SOCS5: variants seen among roughly 807,000 people sequenced by gnomAD.
SOCS5 encodes the protein suppressor of cytokine signaling 5, also known as CIS-6.
In SOCS5, 32 loss-of-function variants were observed where a neutral mutation model predicts 42.8. That is an observed-to-expected ratio of 0.75 (90% CI 0.56 to 1.01). The LOEUF is 1.01. SOCS5 is among the 50% of genes least tolerant of loss of function. The pLI is 0.00. For synonymous variants in SOCS5, 283 were observed against 229.6 expected, an observed-to-expected ratio of 1.23 and a Z score of -2.10; for missense variants, 627 against 653.0, an observed-to-expected ratio of 0.96 and a Z score of 0.43.
intron 1 of SOCS5, among the ~76,000 whole-genome samples, chr2:46,737,114 C>G (rs73926574): frequency 0.047 from 7,211 of 152,214 alleles, 616 homozygotes; most frequent in African/African-American, 0.16. Context: ...CCAATCTTAG[C>G]TTCTGAAATG....
rs756214120 is a variant in SOCS5, at chr2:46,759,736, G to A, written c.1206G>A (p.Thr402=). 1.6e-5 allele frequency: 26 copies of A among 1,614,126 alleles called. No individual in the cohort carries two copies. Among genetic ancestry groups the A allele is most frequent in the East Asian group, 2.2e-5 (1 of 44,876 alleles). ...TTCTCGAAGGGAAACCTGAAGGCACGTTTTTGCTCAGGGACTCTGCGCAAG... is the reference window on the plus strand; with the variant it reads ...TTCTCGAAGGGAAACCTGAAGGCACATTTTTGCTCAGGGACTCTGCGCAAG... ...EALLEGKPEG[T]FLLRDSAQED... The change falls in exon 2 of 2, where the codon ACG becomes ACA. Residue 402 remains threonine (T), a synonymous_variant. Transcript: ENST00000394861.
chr2:46,707,742 C>T (rs1026281098), intron 1 of SOCS5, among the ~76,000 whole-genome samples: 2 of 152,062 alleles, frequency 1.3e-5, no homozygotes, highest in Admixed American at 6.6e-5. Context: ...AGACATTTAC[C>T]AAATAATTAC....
chr2:46,712,557 T>TGG (rs1462246236), intron 1 of SOCS5, among the ~76,000 whole-genome samples: 2 of 152,278 alleles, frequency 1.3e-5, no homozygotes, highest in Admixed American at 1.3e-4. Flanking sequence ...TTGGCCAGGC[T>TGG]GGTCTCGAAT....
chr2:46,752,715 A>G (rs1572847371), intron 1 of SOCS5, among the ~76,000 whole-genome samples: 1 of 152,164 alleles, frequency 6.6e-6, no homozygotes, highest in African/African-American at 2.4e-5. Context: ...ACTAATTATC[A>G]TTTACTTACA....
intron 1 of SOCS5, among the ~76,000 whole-genome samples, chr2:46,757,313 T>A: frequency 6.6e-6 from 1 of 152,222 alleles, no homozygotes; most frequent in Middle Eastern, 3.2e-3. Context: ...AATTTTAAGT[T>A]TAGGTTTTTC....
rs183910345 is a variant in SOCS5, at chr2:46,699,753, T to A, written c.-13+304T>A. Among the ~76,000 whole-genome samples, 2 of 152,038 alleles carry A rather than the reference T, an allele frequency of 1.3e-5. No homozygotes were observed. Among genetic ancestry groups the A allele is most frequent in the Admixed American group, 6.5e-5 (1 of 15,292 alleles). On this transcript the variant is annotated intron_variant, in intron 1 of 1. Coordinates refer to ENST00000394861, the MANE Select transcript of SOCS5 (RefSeq NM_144949.3). This position sits in a 1 kb window ranked among gnomAD's most constrained non-coding sequence, Gnocchi z 4.8. ...TCTGGTTGGAGGAACGTGGGGTTCC[T>A]AAGGGGAAGGGGGTCGTCCGGGGCC...
chr2:46,719,378 ATGT>A (rs1672828513), intron 1 of SOCS5, among the ~76,000 whole-genome samples: 1 of 152,206 alleles, frequency 6.6e-6, no homozygotes, highest in South Asian at 2.1e-4. Flanking sequence ...GCAGTCTCTC[ATGT>A]TTCATAGTTT....
intron 1 of SOCS5, among the ~76,000 whole-genome samples, chr2:46,709,504 G>T (rs894615412): frequency 3.3e-5 from 5 of 152,172 alleles, no homozygotes; most frequent in African/African-American, 9.7e-5. Context: ...TGGTTTTAGA[G>T]GAGGTAGAAA....
At chr2:46,738,942 A>G (rs1377843686) in intron 1 of SOCS5, among the ~76,000 whole-genome samples, 1 of 152,222 alleles carries the variant, frequency 6.6e-6, no homozygotes, top group South Asian at 2.1e-4. Flanking sequence ...TCTTTAAGGA[A>G]CATCTTGGAA....
rs1673877013 is a variant in SOCS5 at position 46,761,824 on chromosome 2, T to TA, written c.*1684dup. The stretch of plus-strand genomic sequence containing the variant: ...TATACTGTGGAACAGTATCTGTAGT[T>TA]ACTGCAAATTACTGTACAGTTTAGG... On this transcript the variant is annotated 3_prime_UTR_variant, in exon 2 of 2. Transcript: ENST00000394861. 6.0e-6 allele frequency: 1 copy of TA among 166,748 alleles called. No homozygotes were observed. The highest frequency in any genetic ancestry group is 1.5e-5 in the Non-Finnish European group (1 of 68,076). 10.3% of individuals were successfully genotyped at this position (166,748 alleles called of 1,614,324 possible).
chr2:46,711,669 CCTGT>C (rs1408833314), intron 1 of SOCS5, among the ~76,000 whole-genome samples: 2 of 152,090 alleles, frequency 1.3e-5, no homozygotes, highest in Admixed American at 6.5e-5. Flanking sequence ...TTTTCTGGGT[CCTGT>C]CTAAGAATCT....
At chr2:46,713,030 A>G (rs747138609) in intron 1 of SOCS5, among the ~76,000 whole-genome samples, 15 of 152,178 alleles carry the variant, frequency 9.9e-5, no homozygotes, top group Non-Finnish European at 1.2e-4. Context: ...TTCTTTGTGG[A>G]AAGTTCTTAA....
intron 1 of SOCS5, among the ~76,000 whole-genome samples, chr2:46,744,975 T>A (rs1431518367): frequency 6.6e-6 from 1 of 150,748 alleles, no homozygotes; most frequent in Non-Finnish European, 1.5e-5. Flanking sequence ...AATTAGAAAA[T>A]CTGTATAACA....
chr2:46,739,929 A>G (rs1176556248), intron 1 of SOCS5, among the ~76,000 whole-genome samples: 3 of 152,222 alleles, frequency 2.0e-5, no homozygotes, highest in Non-Finnish European at 4.4e-5. Context: ...TGACCAGTTT[A>G]GGAAATAATG....
rs549359894 is a variant in SOCS5, at chr2:46,703,774, A to G, written c.-13+4325A>G. On this transcript the variant is annotated intron_variant, in intron 1 of 1. Transcript: ENST00000394861. Reference sequence around the variant, plus strand: ...GCAGTTGTTAGAGAATGAAAGAGGGAAAATATGAATTATTTGCATTGTCCA... The same window carrying G: ...GCAGTTGTTAGAGAATGAAAGAGGGGAAATATGAATTATTTGCATTGTCCA... Among the ~76,000 whole-genome samples, 5 of 152,356 alleles carry G rather than the reference A, an allele frequency of 3.3e-5. No homozygotes were observed. In the East Asian group the frequency reaches 9.6e-4, roughly 29 times the overall value.
In SOCS5 at chr2:46,699,874, C is replaced by G. The variant is rs1431604472; in HGVS notation, c.-13+425C>G. Among the ~76,000 whole-genome samples, 1 of 151,972 alleles carries G rather than the reference C, an allele frequency of 6.6e-6. No homozygotes were observed. The highest frequency in any genetic ancestry group is 1.5e-5 in the Non-Finnish European group (1 of 68,000). Reference sequence around the variant, plus strand: ...CAGGCTGCAGGGAAGGGAGCACCGACCAAGTCACTTGGGGCTCCAAGAGCC... The same window carrying G: ...CAGGCTGCAGGGAAGGGAGCACCGAGCAAGTCACTTGGGGCTCCAAGAGCC... On this transcript the variant is annotated intron_variant, in intron 1 of 1. Coordinates refer to ENST00000394861, the MANE Select transcript of SOCS5 (RefSeq NM_144949.3). The surrounding 1 kb of genome is among the most constrained non-coding windows in gnomAD (Gnocchi z 4.8).
At chr2:46,718,301 T>C (rs775818796) in intron 1 of SOCS5, among the ~76,000 whole-genome samples, 2 of 152,226 alleles carry the variant, frequency 1.3e-5, no homozygotes, top group Non-Finnish European at 2.9e-5. Flanking sequence ...TCCATCATAA[T>C]TGAAAGTGGA....
In SOCS5 at chr2:46,727,418, T is replaced by A. The variant is rs535246588; in HGVS notation, c.-13+27969T>A. On this transcript the variant is annotated intron_variant, in intron 1 of 1. Coordinates refer to ENST00000394861, the MANE Select transcript of SOCS5 (RefSeq NM_144949.3). ...CTTCATATTCTAAGTAATTTTAGAT[T>A]GCATCCTGGGCATCTTCAATATTAC... Among the ~76,000 whole-genome samples the A allele has an allele frequency of 2.0e-3, 303 of 152,340 alleles. 2 individuals carry two copies. The highest frequency in any genetic ancestry group is 3.2e-3 in the Non-Finnish European group (219 of 68,030).
In SOCS5 at chr2:46,758,698, C is replaced by T. The variant is rs200017871; in HGVS notation, c.168C>T (p.Ser56=). ...SIGDSTPQQQ[S]SPLRENIALQ... is the part of the protein sequence containing the mutation. ...GAGACTCAACTCCTCAGCAACAAAG[C>T]AGTCCCTTAAGAGAAAATATTGCCT... The change falls in exon 2 of 2, where the codon AGC becomes AGT. Residue 56 remains serine (S), a synonymous_variant. Coordinates refer to ENST00000394861, the MANE Select transcript of SOCS5 (RefSeq NM_144949.3). 66 of 1,614,022 alleles carry T rather than the reference C, an allele frequency of 4.1e-5. No individual in the cohort carries two copies. The highest frequency in any genetic ancestry group is 6.7e-5 in the African/African-American group (5 of 74,942).
Sources: gnomAD v4.1 joint callset for allele counts (sites outside exome capture counted in the v4.1 genomes callset) on GRCh38, gnomAD v4.1.1 for gene constraint, Gnocchi (gnomAD v3.1) non-coding constraint, MANE v1.5 for transcripts, NCBI Gene and HGNC (gene_info 2026-07-23, HGNC 2026-07-21) for gene names.